CIB1: variants seen among roughly 807,000 people sequenced by gnomAD.
CIB1 encodes calcium and integrin binding 1, also known as calcium and integrin-binding protein 1.
Under a neutral mutation model 25.0 loss-of-function variants are expected in CIB1, and 19 were observed. The ratio of observed to expected loss-of-function variants is 0.76; its 90% confidence interval spans 0.53 to 1.12. The LOEUF (loss-of-function observed/expected upper bound fraction) is 1.12, where lower values mean the gene tolerates loss of function less well. Among genes scored for constraint, CIB1 ranks in the 50% most tolerant of loss-of-function variants. The pLI is 0.00. For synonymous variants in CIB1, 104 were observed against 98.5 expected, an observed-to-expected ratio of 1.06 and a Z score of -0.33; for missense variants, 236 against 242.6, an observed-to-expected ratio of 0.97 and a Z score of 0.18.
the CIB1 span, chr15:90,263,239 T>C: frequency 8.4e-7 from 1 of 1,186,816 alleles, no homozygotes; most frequent in Non-Finnish European, 1.1e-6. Context: ...GCTTGTGTGA[T>C]GGTATCTGTC....
chr15:90,241,567 A>G, the CIB1 span: 12 of 1,613,202 alleles, frequency 7.4e-6, no homozygotes, highest in East Asian at 2.2e-5. Flanking sequence ...CTCCACCTGC[A>G]TGGCTATTAC....
chr15:90,232,099 A>G (rs1177501183), intron 3 of CIB1, 120 bp downstream of exon 3: 6 of 774,804 alleles, frequency 7.7e-6, no homozygotes, highest in Non-Finnish European at 1.3e-5. Context: ...AACTAAGCAG[A>G]AAAATGACCA....
chr15:90,231,179 G>A lies in CIB1; in HGVS notation c.381C>T (p.Asp127=), dbSNP rs150421465. The change falls in exon 5 of 7, where the codon GAC becomes GAT. Residue 127 remains aspartate (D), a synonymous_variant. Transcript: ENST00000328649. ...FDDDGTLNRE[D]LSRLVNCLTG... ...TGAGGCAGTTCACCAGCCGGCTCAG[G>A]TCTTCTCTGTTCAAGGTTCCGTCAT... 6.2e-6 allele frequency: 10 copies of A among 1,613,680 alleles called. No homozygotes were observed. In the African/African-American group the frequency reaches 8.0e-5, roughly 13 times the overall value.
At chr15:90,251,554 A>G in the CIB1 span, 4 of 1,613,864 alleles carry the variant, frequency 2.5e-6, no homozygotes, top group Non-Finnish European at 3.4e-6. Context: ...TCCATTCCAG[A>G]TCACTGGCCA....
chr15:90,235,254 G>T (rs11632753), upstream of CIB1, among the ~76,000 whole-genome samples: 25,725 of 152,136 alleles, frequency 0.17, 2,417 homozygotes, highest in African/African-American at 0.24. Flanking sequence ...TGTATTAACA[G>T]GTACATTCCA....
chr15:90,251,620 C>G, the CIB1 span: 1 of 1,611,362 alleles, frequency 6.2e-7, no homozygotes, highest in East Asian at 2.2e-5. Context: ...GTCGCTCACA[C>G]TGTGGTGCAT....
the CIB1 span, chr15:90,262,467 G>C: frequency 6.9e-7 from 1 of 1,458,426 alleles, no homozygotes; most frequent in South Asian, 1.4e-5. Context: ...TTTCTCTACT[G>C]TCTGAAGCTG....
chr15:90,257,565 C>T, the CIB1 span: 1 of 1,405,192 alleles, frequency 7.1e-7, no homozygotes, highest in African/African-American at 1.4e-5. Context: ...TGGGGAGCAA[C>T]AAGGTAATGA....
the CIB1 span, chr15:90,242,298 AT>A: frequency 5.1e-6 from 1 of 197,236 alleles, no homozygotes; most frequent in Non-Finnish European, 8.2e-6. Context: ...GTGATTTTGT[AT>A]TTTTTTATAT....
chr15:90,237,492 G>T (rs769311659), upstream of CIB1, among the ~76,000 whole-genome samples: 32 of 151,938 alleles, frequency 2.1e-4, no homozygotes, highest in South Asian at 2.1e-4. Context: ...CACCATGTTG[G>T]CCAGGATGGT....
chr15:90,235,945 A>T (rs1962628221), upstream of CIB1: 1 of 152,204 alleles, frequency 6.6e-6, no homozygotes, highest in Non-Finnish European at 1.5e-5. Flanking sequence ...TTAGGCAAAA[A>T]GCAAGAAGCT....
At chr15:90,253,727 G>C in the CIB1 span, among the ~76,000 whole-genome samples, 1 of 152,182 alleles carries the variant, frequency 6.6e-6, no homozygotes, top group African/African-American at 2.4e-5. Context: ...AGCCTTCTAA[G>C]CAACTTAGTT....
At chr15:90,239,295 G>T in the CIB1 span, among the ~76,000 whole-genome samples, 9,761 of 142,236 alleles carry the variant, frequency 0.069, 836 homozygotes, top group East Asian at 0.4. Context: ...TGATCTATAT[G>T]AGACATAAAA....
At chr15:90,260,475 C>T in the CIB1 span, among the ~76,000 whole-genome samples, 8 of 151,948 alleles carry the variant, frequency 5.3e-5, no homozygotes, top group South Asian at 2.1e-4. Context: ...CCAGCCTGGA[C>T]GATAGAGTGA....
At chr15:90,265,518 G>C in the CIB1 span, 2 of 1,399,382 alleles carry the variant, frequency 1.4e-6, no homozygotes, top group Non-Finnish European at 1.9e-6. Flanking sequence ...CACGTTTCAG[G>C]GAAGCCCTCT....
At position 90,230,415 on chromosome 15, in the gene CIB1, G is replaced by T; in HGVS notation, c.*69C>A. 6.5e-7 allele frequency: 1 copy of T among 1,535,302 alleles called. No individual in the cohort carries two copies. The highest frequency in any genetic ancestry group is 1.2e-5 in the South Asian group (1 of 83,634). On this transcript the variant is annotated 3_prime_UTR_variant, in exon 7 of 7. Transcript: ENST00000328649. ...TGGCCCGCACTGGCAACACAGGCTTGACCTTGGCCACAGCTCAGCAGTAGA... is the reference window on the plus strand; with the variant it reads ...TGGCCCGCACTGGCAACACAGGCTTTACCTTGGCCACAGCTCAGCAGTAGA...
the CIB1 span, among the ~76,000 whole-genome samples, chr15:90,246,505 G>T: frequency 6.6e-6 from 1 of 152,002 alleles, no homozygotes; most frequent in Admixed American, 6.6e-5. Context: ...GACTGCTGAG[G>T]CCAGGTGTAG....
the CIB1 span, chr15:90,263,120 G>T: frequency 6.5e-7 from 1 of 1,528,222 alleles, no homozygotes. Context: ...GGCCCCCAGG[G>T]CCAGAAAAAA....
the CIB1 span, chr15:90,255,710 A>G: frequency 1.2e-6 from 2 of 1,613,582 alleles, no homozygotes; most frequent in Non-Finnish European, 1.7e-6. Context: ...GGTGCTAGGA[A>G]ATGCCACTTA....
Sources: allele counts gnomAD v4.1 joint callset (sites outside exome capture counted in the v4.1 genomes callset), GRCh38; gene constraint gnomAD v4.1.1; transcripts MANE v1.5; gene names NCBI Gene and HGNC (gene_info 2026-07-23, HGNC 2026-07-21).